ADGRA1: variants seen among roughly 807,000 people sequenced by gnomAD.
The protein encoded by ADGRA1 is G-protein coupled receptor 123.
ADGRA1 carries 12 observed loss-of-function variants against 21.3 expected under a neutral mutation model. The ratio of observed to expected loss-of-function variants is 0.56; its 90% CI spans 0.36 to 0.91. The LOEUF is 0.91. ADGRA1 is among the 40% of genes least tolerant of loss of function. ADGRA1 has a pLI of 0.01. For synonymous variants in ADGRA1, 385 were observed against 368.8 expected (o/e 1.04, Z -0.50); for missense variants, 790 against 805.6 (o/e 0.98, Z 0.23).
chr10:133,088,300 G>C (rs1011224333), intron 1 of ADGRA1, 162 bp downstream of exon 1: 1 of 196,008 alleles, frequency 5.1e-6, no homozygotes, highest in Non-Finnish European at 9.2e-6. Context: ...CAGGGCCCCC[G>C]CCCCGCGCGC....
rs896439736 is a variant in ADGRA1, at chr10:133,130,770, C to T, written c.*1259C>T. ...TCACACACATGCACACACACAAACA[C>T]GTGCATATCACACACATGCACACAA... On this transcript the variant is annotated 3_prime_UTR_variant, in exon 7 of 7. Transcript: ENST00000392607. 5.7e-4 allele frequency: 87 copies of T among 151,484 alleles called. No individual in the cohort carries two copies. Among genetic ancestry groups the T allele is most frequent in the African/African-American group, 2.0e-3 (84 of 41,170 alleles). The allele number at this position is 151,484 out of a possible 1,614,324, so 9.4% of individuals were successfully genotyped here.
At chr10:133,127,419 C>T in intron 6 of ADGRA1, 88 bp downstream of exon 6, 1 of 1,034,442 alleles carries the variant, frequency 9.7e-7, no homozygotes, top group Non-Finnish European at 1.4e-6. Context: ...GTGGGGAAGC[C>T]CAGGACGAAG....
At chr10:133,127,470 G>A (rs1011075801) in intron 6 of ADGRA1, 139 bp downstream of exon 6, 2 of 660,150 alleles carry the variant, frequency 3.0e-6, no homozygotes, top group Admixed American at 6.7e-5. Context: ...GCCGAGAGCT[G>A]CGCCCCTCCC....
At chr10:133,123,801 G>A (rs1255548923) in intron 5 of ADGRA1, among the ~76,000 whole-genome samples, 1 of 151,266 alleles carries the variant, frequency 6.6e-6, no homozygotes, top group East Asian at 2.0e-4. Context: ...CAGCAGCCCT[G>A]CGTCCTCTCT....
At position 133,111,310 on chromosome 10, in the gene ADGRA1, T is replaced by C. The variant is rs376183525; in HGVS notation, c.401+8468T>C. On this transcript the variant is annotated intron_variant, in intron 5 of 6. Coordinates refer to ENST00000392607, the MANE Select transcript of ADGRA1 (RefSeq NM_001083909.3). ...AGACAACCTGCCCCCCCGGGAACCA[T>C]CCCTCCTAATCCCACCAGACCACCT... Among the ~76,000 whole-genome samples, 186 of 26,866 alleles carry C rather than the reference T, an allele frequency of 6.9e-3. 61 individuals are homozygous for C. Among genetic ancestry groups the C allele is most frequent in the African/African-American group, 0.055 (159 of 2,886 alleles). The allele number at this position is 26,866 out of a possible 152,430, so 17.6% of individuals were successfully genotyped here.
intron 2 of ADGRA1, chr10:133,093,259 G>T (rs372606193): frequency 3.8e-6 from 6 of 1,578,694 alleles, no homozygotes; most frequent in Admixed American, 1.7e-5. Flanking sequence ...CTGCAGAAAG[G>T]TTAAGTTTTG....
chr10:133,104,490 A>G (rs998870241), intron 5 of ADGRA1, among the ~76,000 whole-genome samples: 5 of 152,094 alleles, frequency 3.3e-5, no homozygotes, highest in Non-Finnish European at 7.4e-5. Flanking sequence ...CTGGGGGGCC[A>G]GCGGGCCCGG....
At chr10:133,095,515 C>T (rs899208858) in intron 2 of ADGRA1, 6 of 1,005,082 alleles carry the variant, frequency 6.0e-6, no homozygotes, top group East Asian at 2.8e-5. Flanking sequence ...CAGGTGCCTT[C>T]GCCCTCGCAC....
At chr10:133,105,951 C>T (rs774632443) in intron 5 of ADGRA1, among the ~76,000 whole-genome samples, 1 of 152,202 alleles carries the variant, frequency 6.6e-6, no homozygotes, top group Non-Finnish European at 1.5e-5. Context: ...GACTCTGCAC[C>T]GGATTCTGCC....
chr10:133,112,205 T>C (rs943444443), intron 5 of ADGRA1, among the ~76,000 whole-genome samples: 4 of 152,260 alleles, frequency 2.6e-5, no homozygotes, highest in African/African-American at 9.6e-5. Context: ...TCATAGGTGC[T>C]CGGGGGCTGA....
Position 133,102,862 on chromosome 10 carries a change from G to A in ADGRA1, c.401+20G>A, listed in dbSNP as rs12219529. ...GCTCAGGTACTGAGTGCACATGGGCGCGAGGCCCCGCCACCTGGGCCCTGG... is the reference window on the plus strand; with the variant it reads ...GCTCAGGTACTGAGTGCACATGGGCACGAGGCCCCGCCACCTGGGCCCTGG... On this transcript the variant is annotated intron_variant, in intron 5 of 6. Transcript: ENST00000392607. 275,475 of 1,592,110 alleles carry A rather than the reference G, an allele frequency of 0.17. 29,762 individuals carry two copies. Among genetic ancestry groups the A allele is most frequent in the East Asian group, 0.51 (22,454 of 44,184 alleles).
At chr10:133,115,271 A>G (rs1852135512) in intron 5 of ADGRA1, among the ~76,000 whole-genome samples, 1 of 152,130 alleles carries the variant, frequency 6.6e-6, no homozygotes, top group African/African-American at 2.4e-5. Context: ...GGGGTGGCGC[A>G]GGCTGGGGGC....
At chr10:133,121,875 GGT>G (rs1852273170) in intron 5 of ADGRA1, among the ~76,000 whole-genome samples, 2 of 149,744 alleles carry the variant, frequency 1.3e-5, no homozygotes, top group Admixed American at 6.7e-5. Context: ...GCCTGTGTGT[GGT>G]GTGTGCCAGT....
chr10:133,120,141 T>G (rs575722495), intron 5 of ADGRA1, among the ~76,000 whole-genome samples: 7 of 152,348 alleles, frequency 4.6e-5, no homozygotes, highest in Non-Finnish European at 8.8e-5. Flanking sequence ...CGGTGGCTCA[T>G]GCCTGTAATC....
chr10:133,106,193 G>A (rs1851890491), intron 5 of ADGRA1, among the ~76,000 whole-genome samples: 1 of 152,198 alleles, frequency 6.6e-6, no homozygotes, highest in African/African-American at 2.4e-5. Flanking sequence ...GGCAAGAGCG[G>A]TAGGACTGGA....
At chr10:133,101,732 G>C (rs765197095) in intron 4 of ADGRA1, among the ~76,000 whole-genome samples, 12 of 152,220 alleles carry the variant, frequency 7.9e-5, no homozygotes, top group Non-Finnish European at 1.2e-4. Context: ...ATGAGGCCTA[G>C]GCACTGGGAT....
chr10:133,096,827 C>T (rs987771522), intron 2 of ADGRA1, 147 bp from the exon 3 acceptor site: 2 of 1,008,112 alleles, frequency 2.0e-6, no homozygotes, highest in African/African-American at 1.6e-5. Flanking sequence ...CGTACCTCCC[C>T]AGGCAGCCCC....
chr10:133,102,583 CGCT>C lies in ADGRA1; in HGVS notation c.256-109_256-107del. 4.0e-6 allele frequency: 5 copies of C among 1,265,046 alleles called. 1 individual carries two copies. The South Asian group carries it at 7.1e-5, about 18-fold the overall frequency. 78.4% of individuals were successfully genotyped at this position (1,265,046 alleles called of 1,614,324 possible). A position where few individuals can be genotyped will look rare whatever the true frequency, so the allele number is the denominator to read the frequency against. On this transcript the variant is annotated intron_variant, in intron 4 of 6. Transcript: ENST00000392607. Reference sequence around the variant, plus strand: ...GCCGCTGCCTGCCCTGGGATACAGACGCTGCTGGCCGCCTGCCGTTCTCATTCT... The same window carrying C: ...GCCGCTGCCTGCCCTGGGATACAGACGCTGGCCGCCTGCCGTTCTCATTCT...
At chr10:133,123,328 T>G (rs1852311724) in intron 5 of ADGRA1, among the ~76,000 whole-genome samples, 1 of 152,240 alleles carries the variant, frequency 6.6e-6, no homozygotes, top group Admixed American at 6.5e-5. Flanking sequence ...GGCAGGAGCC[T>G]GTGTTTGTTC....
Sources: gnomAD v4.1 joint callset for allele counts (sites outside exome capture counted in the v4.1 genomes callset) on GRCh38, gnomAD v4.1.1 for gene constraint, MANE v1.5 for transcripts, NCBI Gene and HGNC (gene_info 2026-07-23, HGNC 2026-07-21) for gene names.